The following TPCN1 variants were observed in gnomAD, a reference collection of about 807,000 sequenced individuals.
TPCN1 encodes two pore channel protein 1.
TPCN1 carries 52 observed loss-of-function variants against 108.8 expected under a neutral mutation model. The ratio of observed to expected loss-of-function variants is 0.48; its 90% CI spans 0.38 to 0.60. TPCN1 has a LOEUF of 0.60. Among genes scored for constraint, TPCN1 ranks in the 20% least tolerant of loss-of-function variants. The pLI, the probability that TPCN1 is intolerant of heterozygous loss-of-function variation, is 0.00. For synonymous variants in TPCN1, 446 were observed against 433.7 expected, an observed-to-expected ratio of 1.03 and a Z score of -0.35; for missense variants, 806 against 1,072.8, an observed-to-expected ratio of 0.75 and a Z score of 3.47.
rs1437059389 is a variant in TPCN1, at chr12:113,268,701, G to A, written c.529-41G>A. 1.2e-6 allele frequency: 2 copies of A among 1,608,940 alleles called. No homozygotes were observed. Among genetic ancestry groups the A allele is most frequent in the East Asian group, 2.2e-5 (1 of 44,794 alleles). Reference sequence around the variant, plus strand: ...TTCCAGGTATGCAGGATGACGGCTGGGCTGCAGGGGCTGACGGTGCTCCAT... The same window carrying A: ...TTCCAGGTATGCAGGATGACGGCTGAGCTGCAGGGGCTGACGGTGCTCCAT... On this transcript the variant is annotated intron_variant, in intron 5 of 27. Transcript: ENST00000335509. This position sits in a 1 kb window ranked among gnomAD's most constrained non-coding sequence, Gnocchi z 7.3.
At chr12:113,225,715 C>T (rs1216505735) in intron 1 of TPCN1, among the ~76,000 whole-genome samples, 2 of 152,226 alleles carry the variant, frequency 1.3e-5, no homozygotes, top group South Asian at 2.1e-4. Context: ...CCACCCCGCC[C>T]AGCTAATTTT....
chr12:113,250,309 C>G (rs1222631033), intron 2 of TPCN1, among the ~76,000 whole-genome samples: 1 of 152,260 alleles, frequency 6.6e-6, no homozygotes, highest in Non-Finnish European at 1.5e-5. Flanking sequence ...CTGAAGCCAT[C>G]TGCACCCACC....
In TPCN1 at chr12:113,288,656, C is replaced by T. The variant is rs1285366639; in HGVS notation, c.1707-102C>T. The T allele has an allele frequency of 3.8e-6, 6 of 1,561,046 alleles. No homozygotes were observed. Among genetic ancestry groups the T allele is most frequent in the Non-Finnish European group, 5.2e-6 (6 of 1,157,752 alleles). On this transcript the variant is annotated intron_variant, in intron 20 of 27. Transcript: ENST00000335509. This position sits in a 1 kb window ranked among gnomAD's most constrained non-coding sequence, Gnocchi z 4.8. ...TTCCAGTTGGTGAACCGACCAGGGG[C>T]ATGGCCCTGCAGTCAGCCCCACGGG... is the stretch of plus-strand genomic sequence containing the variant.
intron 2 of TPCN1, among the ~76,000 whole-genome samples, chr12:113,252,923 G>A (rs753518873): frequency 2.0e-5 from 3 of 152,188 alleles, no homozygotes; most frequent in East Asian, 3.8e-4. Flanking sequence ...AGTTCAAACC[G>A]CACCCAGATG....
Position 113,288,223 on chromosome 12 carries a change from C to A in TPCN1, c.1695C>A (p.Pro565=), listed in dbSNP as rs752374294. ...NVLDTMFELL[P]RMASLGLTLL... is the part of the protein sequence containing the mutation. ...TGGACACCATGTTCGAGCTGCTGCC[C>A]CGGATGGCCAGGTACTGCCAGCCCC... The change falls in exon 20 of 28, where the codon CCC becomes CCA. Residue 565 remains proline, a synonymous_variant. Transcript: ENST00000335509. The surrounding 1 kb of genome is among the most constrained non-coding windows in gnomAD (Gnocchi z 4.8). The A allele has an allele frequency of 6.2e-7, 1 of 1,613,878 alleles. No individual in the cohort carries two copies. Among genetic ancestry groups the A allele is most frequent in the Non-Finnish European group, 8.5e-7 (1 of 1,179,950 alleles).
chr12:113,290,347 C>A, intron 22 of TPCN1, 104 bp downstream of exon 22: 1 of 823,684 alleles, frequency 1.2e-6, no homozygotes, highest in Non-Finnish European at 1.9e-6. Context: ...CTGGGCCACA[C>A]TTTCTGGAAG....
Position 113,268,643 on chromosome 12 carries a change from G to C in TPCN1, c.529-99G>C. The stretch of plus-strand genomic sequence containing the variant: ...CTGGAGAGAGGAGAAGGCCTCCCGA[G>C]GCCAGAGTGGGCACTGCCTCTCCAG... On this transcript the variant is annotated intron_variant, in intron 5 of 27. Transcript: ENST00000335509. This position sits in a 1 kb window ranked among gnomAD's most constrained non-coding sequence, Gnocchi z 7.3. 1 of 1,500,758 alleles carries C rather than the reference G, an allele frequency of 6.7e-7. No homozygotes were observed. Among genetic ancestry groups the C allele is most frequent in the South Asian group, 1.2e-5 (1 of 81,718 alleles). 93.0% of individuals were successfully genotyped at this position (1,500,758 alleles called of 1,614,324 possible). A position where few individuals can be genotyped will look rare whatever the true frequency, so the allele number is the denominator to read the frequency against.
Position 113,272,712 on chromosome 12 carries a change from G to T in TPCN1, c.783+20G>T, listed in dbSNP as rs373015026. 1.9e-6 allele frequency: 3 copies of T among 1,611,354 alleles called. No homozygotes were observed. In the African/African-American group the frequency reaches 4.0e-5, roughly 22 times the overall value. ...GACCCCGTAAGTAATCAGCACATTTGTCCGTCTCTTCTTTTATGGAGGGCT... is the reference window on the plus strand; with the variant it reads ...GACCCCGTAAGTAATCAGCACATTTTTCCGTCTCTTCTTTTATGGAGGGCT... On this transcript the variant is annotated intron_variant, in intron 8 of 27. Coordinates refer to ENST00000335509, the MANE Select transcript of TPCN1 (RefSeq NM_017901.6). The surrounding 1 kb of genome is among the most constrained non-coding windows in gnomAD (Gnocchi z 4.1).
chr12:113,246,059 A>G (rs936354531), intron 2 of TPCN1: 73 of 456,004 alleles, frequency 1.6e-4, no homozygotes, highest in Non-Finnish European at 3.0e-4. Context: ...CGTGTGTGCA[A>G]ACAGGTCATT....
chr12:113,282,436 G>A (rs898477064), intron 15 of TPCN1, among the ~76,000 whole-genome samples: 2 of 151,722 alleles, frequency 1.3e-5, no homozygotes, highest in African/African-American at 4.8e-5. Flanking sequence ...TTTATTTTGG[G>A]GGATTGCTTT....
chr12:113,288,830 C>CT lies in TPCN1; in HGVS notation c.1781dup (p.Asn596GlnfsTer34). On this transcript the variant is annotated frameshift_variant, in exon 21 of 28. Coordinates refer to ENST00000335509, the MANE Select transcript of TPCN1 (RefSeq NM_017901.6). LOFTEE classifies it high-confidence loss of function. This position sits in a 1 kb window ranked among gnomAD's most constrained non-coding sequence, Gnocchi z 4.8. ...GCATGGAGTTCTTCTGCGGGATCGT[C>CT]TTCCCCAACTGCTGCAAGTGAGTAG... 1 of 1,613,674 alleles carries CT rather than the reference C, an allele frequency of 6.2e-7. No homozygotes were observed. Among genetic ancestry groups the CT allele is most frequent in the Non-Finnish European group, 8.5e-7 (1 of 1,180,032 alleles).
rs756786416 is a variant in TPCN1 at position 113,290,958 on chromosome 12, T to C, written c.1919T>C (p.Leu640Pro). The C allele has an allele frequency of 1.9e-6, 3 of 1,613,892 alleles. No homozygotes were observed. Among genetic ancestry groups the C allele is most frequent in the South Asian group, 2.2e-5 (2 of 91,082 alleles). Residue 640 changes from leucine (L) to proline (P), a missense_variant, in exon 23 of 28, where the codon CTG becomes CCG. Physicochemically the swap from Leu to Pro is moderately conservative, Grantham distance 98. Transcript: ENST00000335509. The stretch of plus-strand genomic sequence containing the variant: ...TTCTCTCTTCCCTCGGCAGTGACCC[T>C]GTTTGAGCTCACAGTTGTCAACAAC... ...FDNILNSFVT[L>P]FELTVVNNWY...
At chr12:113,261,731 T>G (rs1396269935) in intron 3 of TPCN1, among the ~76,000 whole-genome samples, 1 of 152,170 alleles carries the variant, frequency 6.6e-6, no homozygotes, top group Non-Finnish European at 1.5e-5. Context: ...ACCTGGCTAT[T>G]TAAATAGCTT....
intron 2 of TPCN1, chr12:113,250,058 T>G (rs1264007247): frequency 1.3e-5 from 2 of 152,162 alleles, no homozygotes; most frequent in Non-Finnish European, 2.9e-5. Context: ...TCCGCAAGTG[T>G]TTGTGTGTGT....
chr12:113,273,495 C>A lies in TPCN1; in HGVS notation c.843-74C>A. 1 of 1,349,490 alleles carries A rather than the reference C, an allele frequency of 7.4e-7. No homozygotes were observed. The highest frequency in any genetic ancestry group is 1.1e-6 in the Non-Finnish European group (1 of 939,278). The allele number at this position is 1,349,490 out of a possible 1,614,324, so 83.6% of individuals were successfully genotyped here. On this transcript the variant is annotated intron_variant, in intron 9 of 27. Coordinates refer to ENST00000335509, the MANE Select transcript of TPCN1 (RefSeq NM_017901.6). This position sits in a 1 kb window ranked among gnomAD's most constrained non-coding sequence, Gnocchi z 4.0. ...CTGGGAAGGCAGACAAGGAGCTGTC[C>A]TCTGCAAGGCATGTGCTCTGAGAGG... is the stretch of plus-strand genomic sequence containing the variant.
chr12:113,251,179 T>C (rs1228453761), intron 2 of TPCN1, among the ~76,000 whole-genome samples: 6 of 151,924 alleles, frequency 3.9e-5, no homozygotes, highest in Admixed American at 2.6e-4. Context: ...CACATGCCTA[T>C]AGTCCCAGCT....
chr12:113,295,592 C>T (rs984187682), intron 27 of TPCN1, among the ~76,000 whole-genome samples: 5 of 151,934 alleles, frequency 3.3e-5, no homozygotes, highest in South Asian at 4.1e-4. Flanking sequence ...CTCGGTGTCT[C>T]GGGTGTGAAA....
At chr12:113,229,559 G>A (rs1953600898) in intron 2 of TPCN1, among the ~76,000 whole-genome samples, 1 of 152,206 alleles carries the variant, frequency 6.6e-6, no homozygotes, top group Non-Finnish European at 1.5e-5. Flanking sequence ...CACAATCTCG[G>A]CTCATTGCAA....
At chr12:113,245,599 T>TC (rs1232602458) in intron 2 of TPCN1, among the ~76,000 whole-genome samples, 12 of 68,718 alleles carry the variant, frequency 1.7e-4, no homozygotes, top group African/African-American at 6.5e-4. Context: ...AGACTCCGTC[T>TC]CAAAAAAAAA....
Sources: allele counts gnomAD v4.1 joint callset (sites outside exome capture counted in the v4.1 genomes callset), GRCh38; gene constraint gnomAD v4.1.1; non-coding constraint Gnocchi (gnomAD v3.1); transcripts MANE v1.5; gene names NCBI Gene and HGNC (gene_info 2026-07-23, HGNC 2026-07-21).